MOV10: variants seen among roughly 807,000 people sequenced by gnomAD.
MOV10 encodes RNA helicase MOV-10.
In MOV10, 39 loss-of-function variants were observed where a neutral mutation model predicts 108.4. That is an observed-to-expected ratio of 0.36 (90% CI 0.28 to 0.47). The LOEUF (loss-of-function observed/expected upper bound fraction) is 0.47, where lower values mean the gene tolerates loss of function less well. Ranked by LOEUF, MOV10 falls within the 20% of genes least tolerant of loss-of-function variation. MOV10 has a pLI of 1.00. For missense variants in MOV10, 952 were observed against 1,297.6 expected (o/e 0.73, Z 4.09); for synonymous variants, 490 against 523.1 (o/e 0.94, Z 0.86).
rs201458678 is a variant in MOV10, at chr1:112,689,968, C to T, written c.706C>T (p.Arg236Cys). ...SEGAGTFYIA[R>C]FLAAVAHSPL... ...AGGAGCCGGCACATTCTACATTGCC[C>T]GCTTCTTGGCTGCCGTCGCCCACAG... The change falls in exon 5 of 21, where the codon CGC becomes TGC. Residue 236 changes from arginine (R) to cysteine (C), a missense_variant. This residue lies in a region of MOV10 where 374 missense variants were observed against 468.6 expected (regional missense o/e 0.80). Coordinates refer to ENST00000369645, the MANE Select transcript of MOV10 (RefSeq NM_001321324.2). 2.2e-5 allele frequency: 35 copies of T among 1,614,018 alleles called. No individual in the cohort carries two copies. In the African/African-American group the frequency reaches 2.5e-4, roughly 12 times the overall value.
rs751228760 is a variant in MOV10, at chr1:112,691,762, A to G, written c.934A>G (p.Ser312Gly). 8.1e-6 allele frequency: 13 copies of G among 1,614,054 alleles called. No individual in the cohort carries two copies. In the South Asian group the frequency reaches 9.9e-5, roughly 12 times the overall value. The change falls in exon 6 of 21, where the codon AGT becomes GGT. Residue 312 changes from serine (S) to glycine (G), a missense_variant. Ser to Gly is a moderately conservative substitution (Grantham distance 56). This residue lies in a region of MOV10 where 374 missense variants were observed against 468.6 expected (regional missense o/e 0.80). Coordinates refer to ENST00000369645, the MANE Select transcript of MOV10 (RefSeq NM_001321324.2). The part of the protein sequence containing the change: ...QLLPMLLQGT[S>G]IFTAPKEIAE... The stretch of plus-strand genomic sequence containing the variant: ...GCTCCCCATGCTTCTTCAGGGAACA[A>G]GTATCTTCACTGCCCCTAAGGAGAT...
At chr1:112,690,363 T>G (rs1673472026) in intron 5 of MOV10, among the ~76,000 whole-genome samples, 1 of 152,130 alleles carries the variant, frequency 6.6e-6, no homozygotes. Flanking sequence ...TTGTTTTGTT[T>G]TTTGTTTTTG....
Position 112,689,954 on chromosome 1 carries a change from C to T in MOV10, c.692C>T (p.Thr231Ile). Residue 231 changes from threonine to isoleucine, a missense_variant, in exon 5 of 21, where the codon ACA (threonine) becomes ATA (isoleucine). Transcript: ENST00000369645. Reference sequence around the variant, plus strand: ...GAGTCGGGTTCAGAAGGAGCCGGCACATTCTACATTGCCCGCTTCTTGGCT... The same window carrying T: ...GAGTCGGGTTCAGAAGGAGCCGGCATATTCTACATTGCCCGCTTCTTGGCT... ...PGESGSEGAGTFYIARFLAAV... is the reference protein window; with the variant it reads ...PGESGSEGAGIFYIARFLAAV... The T allele has an allele frequency of 6.2e-7, 1 of 1,614,180 alleles. No homozygotes were observed. Among genetic ancestry groups the T allele is most frequent in the Non-Finnish European group, 8.5e-7 (1 of 1,180,044 alleles).
At chr1:112,699,852 G>A (rs779520034) in intron 18 of MOV10, 42 bp downstream of exon 18, 28 of 1,613,892 alleles carry the variant, frequency 1.7e-5, no homozygotes, top group East Asian at 1.6e-4. Context: ...TTCCATTCTC[G>A]GGGCTCTTCC....
At chr1:112,685,936 G>A (rs1673050407) in intron 2 of MOV10, among the ~76,000 whole-genome samples, 1 of 152,094 alleles carries the variant, frequency 6.6e-6, no homozygotes, top group African/African-American at 2.4e-5. Flanking sequence ...GTGCCATGCA[G>A]GTTTTCAAAA....
Position 112,700,404 on chromosome 1 carries a change from C to A in MOV10, c.2921-12C>A. On this transcript the variant is annotated splice_polypyrimidine_tract_variant and intron_variant, in intron 20 of 20. Coordinates refer to ENST00000369645, the MANE Select transcript of MOV10 (RefSeq NM_001321324.2). ...TGGTAAGGAAGACACAGTGTACTTT[C>A]TCTCTTTCCAGGGCCCCACAGCCAT... 1 of 1,613,600 alleles carries A rather than the reference C, an allele frequency of 6.2e-7. No individual in the cohort carries two copies. The highest frequency in any genetic ancestry group is 8.5e-7 in the Non-Finnish European group (1 of 1,179,730).
intron 5 of MOV10, among the ~76,000 whole-genome samples, 164 bp downstream of exon 5, chr1:112,690,262 G>C (rs1673463920): frequency 6.6e-6 from 1 of 152,246 alleles, no homozygotes; most frequent in South Asian, 2.1e-4. Flanking sequence ...AGTTGCAGAT[G>C]AACTGCAGAT....
rs148953295 is a variant in MOV10 at position 112,683,730 on chromosome 1, C to A, written c.138-5205C>A. Among the ~76,000 whole-genome samples, 1,172 of 152,316 alleles carry A rather than the reference C, an allele frequency of 7.7e-3. 7 individuals are homozygous for A. Among genetic ancestry groups the A allele is most frequent in the Middle Eastern group, 0.014 (4 of 294 alleles). On this transcript the variant is annotated intron_variant, in intron 2 of 20. Transcript: ENST00000369645. ...GTGTGGTACATCTTTTCAATGGCTG[C>A]ATAATATCCCACGGTATGAGTGCTT...
At chr1:112,691,632 G>T (rs1441088845) in intron 5 of MOV10, 33 bp from the exon 6 acceptor site, 2 of 1,606,026 alleles carry the variant, frequency 1.2e-6, no homozygotes, top group African/African-American at 2.7e-5. Flanking sequence ...GAGGGTGAGG[G>T]GTTTTCTGTG....
At chr1:112,685,518 G>A (rs1484639774) in intron 2 of MOV10, among the ~76,000 whole-genome samples, 1 of 151,792 alleles carries the variant, frequency 6.6e-6, no homozygotes, top group Non-Finnish European at 1.5e-5. Context: ...AGCTGGGTGT[G>A]GTGGCGTGCA....
At chr1:112,687,952 C>A (rs775300386) in intron 2 of MOV10, among the ~76,000 whole-genome samples, 1 of 152,144 alleles carries the variant, frequency 6.6e-6, no homozygotes, top group East Asian at 1.9e-4. Flanking sequence ...TCTGCTTACA[C>A]TTCGCGCTCC....
Position 112,697,304 on chromosome 1 carries a change from T to C in MOV10, c.2198+458T>C, listed in dbSNP as rs576571771. Among the ~76,000 whole-genome samples the C allele has an allele frequency of 1.9e-4, 29 of 152,272 alleles. No individual in the cohort carries two copies. In the South Asian group the frequency reaches 6.0e-3, roughly 32 times the overall value. On this transcript the variant is annotated intron_variant, in intron 14 of 20. Transcript: ENST00000369645. ...GTCCAACATGGTGAAACCCCATCTC[T>C]ACTAAAAATACAAAAATTAGCCAGG...
At position 112,700,637 on chromosome 1, in the gene MOV10, T is replaced by G. The variant is rs771510700; in HGVS notation, c.*130T>G. On this transcript the variant is annotated 3_prime_UTR_variant, in exon 21 of 21. Coordinates refer to ENST00000369645, the MANE Select transcript of MOV10 (RefSeq NM_001321324.2). Reference sequence around the variant, plus strand: ...GGAGGGAGTTTACAACCCAAGCCATTCCACCCCCTCCCCTGCTGGGGAGAA... The same window carrying G: ...GGAGGGAGTTTACAACCCAAGCCATGCCACCCCCTCCCCTGCTGGGGAGAA... The G allele has an allele frequency of 4.4e-5, 68 of 1,543,850 alleles. No individual in the cohort carries two copies. Among genetic ancestry groups the G allele is most frequent in the Admixed American group, 6.1e-5 (3 of 49,394 alleles).
intron 2 of MOV10, among the ~76,000 whole-genome samples, chr1:112,676,529 G>T (rs1321480183): frequency 6.6e-6 from 1 of 152,176 alleles, no homozygotes; most frequent in Non-Finnish European, 1.5e-5. Flanking sequence ...AAGAGAGTTG[G>T]AGCTCAATTC....
chr1:112,679,957 G>A (rs1471474680), intron 2 of MOV10, among the ~76,000 whole-genome samples: 1 of 152,084 alleles, frequency 6.6e-6, no homozygotes, highest in East Asian at 1.9e-4. Flanking sequence ...GTACTTTAAG[G>A]AATTTATCCC....
intron 3 of MOV10, 21 bp from the exon 4 acceptor site, chr1:112,689,394 C>CGG: frequency 2.7e-6 from 4 of 1,499,148 alleles, no homozygotes; most frequent in Non-Finnish European, 3.7e-6. Context: ...CCAACCCCCC[C>CGG]TTGACTCCCC....
Position 112,696,435 on chromosome 1 carries a change from A to G in MOV10, c.1884-2A>G. 6.2e-7 allele frequency: 1 copy of G among 1,611,766 alleles called. No homozygotes were observed. The highest frequency in any genetic ancestry group is 8.5e-7 in the Non-Finnish European group (1 of 1,177,888). On this transcript the variant is annotated splice_acceptor_variant, in intron 12 of 20. Coordinates refer to ENST00000369645, the MANE Select transcript of MOV10 (RefSeq NM_001321324.2). LOFTEE classifies it high-confidence loss of function. ...ACCCCTGCCTGGCCTGACACCTCCC[A>G]GGTTGGTCTCGGCCCAGTTTCCCAT...
rs1276597640 is a variant in MOV10 at position 112,675,470 on chromosome 1, AGC to A, written c.137+425_137+426del. Among the ~76,000 whole-genome samples the A allele has an allele frequency of 6.6e-6, 1 of 151,930 alleles. No individual in the cohort carries two copies. The highest frequency in any genetic ancestry group is 6.5e-5 in the Admixed American group (1 of 15,272). On this transcript the variant is annotated intron_variant, in intron 2 of 20. Coordinates refer to ENST00000369645, the MANE Select transcript of MOV10 (RefSeq NM_001321324.2). This position sits in a 1 kb window ranked among gnomAD's most constrained non-coding sequence, Gnocchi z 4.7. ...CTGCCTGTTGGGGGCTGCGAGCCCG[AGC>A]GCGGGCTTTACAGGGACCTCTGCCA...
At position 112,696,265 on chromosome 1, in the gene MOV10, G is replaced by A; in HGVS notation, c.1883+14G>A. The A allele has an allele frequency of 1.3e-6, 2 of 1,569,562 alleles. No homozygotes were observed. The highest frequency in any genetic ancestry group is 2.2e-5 in the East Asian group (1 of 44,632). ...CACTGCCGGCAGGTGGGGAGTGTGT[G>A]TGGGTGTGTCTCTGAATCGTAAGTG... On this transcript the variant is annotated intron_variant, in intron 12 of 20. Transcript: ENST00000369645.
Sources: allele counts gnomAD v4.1 joint callset (sites outside exome capture counted in the v4.1 genomes callset), GRCh38; gene constraint gnomAD v4.1.1; regional missense constraint gnomAD v4.1.1; non-coding constraint Gnocchi (gnomAD v3.1); transcripts MANE v1.5; gene names NCBI Gene and HGNC (gene_info 2026-07-23, HGNC 2026-07-21).